The following TUSC3 variants were observed in gnomAD, a reference collection of about 807,000 sequenced individuals.
The protein encoded by TUSC3 is dolichyl-diphosphooligosaccharide--protein glycosyltransferase subunit TUSC3.
Under a neutral mutation model 44.8 loss-of-function variants are expected in TUSC3, and 45 were observed. The observed-to-expected ratio is 1.00, with a 90% CI of 0.79 to 1.29. The LOEUF (loss-of-function observed/expected upper bound fraction) is 1.29. Ranked by LOEUF, TUSC3 falls within the 50% of genes most tolerant of loss-of-function variation. The pLI is 0.00. For missense variants in TUSC3, 519 were observed against 437.9 expected (o/e 1.19, Z -1.65); for synonymous variants, 212 against 152.9 (o/e 1.39, Z -2.85).
At chr8:15,696,552 C>T (rs1175822756) in intron 6 of TUSC3, among the ~76,000 whole-genome samples, 1 of 152,074 alleles carries the variant, frequency 6.6e-6, no homozygotes. Context: ...GAGAAGAGGG[C>T]CACCGTCCTC....
At chr8:15,797,447 A>T in the TUSC3 span, among the ~76,000 whole-genome samples, 1 of 152,244 alleles carries the variant, frequency 6.6e-6, no homozygotes, top group Non-Finnish European at 1.5e-5. Context: ...GTTCCATAAA[A>T]AACTTTACTT....
intron 1 of TUSC3, among the ~76,000 whole-genome samples, chr8:15,421,385 T>C (rs1378660103): frequency 6.6e-6 from 1 of 152,154 alleles, no homozygotes; most frequent in Non-Finnish European, 1.5e-5. Flanking sequence ...CTTACGGTAG[T>C]AACTCTCTCT....
At chr8:15,809,977 C>T in the TUSC3 span, among the ~76,000 whole-genome samples, 1 of 152,172 alleles carries the variant, frequency 6.6e-6, no homozygotes, top group African/African-American at 2.4e-5. Context: ...AATGCAAGTT[C>T]CAGTTAAATA....
intron 1 of TUSC3, among the ~76,000 whole-genome samples, chr8:15,565,625 G>C (rs1802637846): frequency 6.6e-6 from 1 of 152,108 alleles, no homozygotes; most frequent in Non-Finnish European, 1.5e-5. Flanking sequence ...CTTTAACTTT[G>C]TTTCTTTTGT....
chr8:15,710,916 A>G (rs1338098622), intron 6 of TUSC3, among the ~76,000 whole-genome samples: 2 of 150,254 alleles, frequency 1.3e-5, no homozygotes, highest in Non-Finnish European at 3.0e-5. Flanking sequence ...GCACCAAATC[A>G]AGAAGTGGAA....
intron 2 of TUSC3, among the ~76,000 whole-genome samples, chr8:15,505,723 C>G (rs1057174029): frequency 6.6e-6 from 1 of 152,134 alleles, no homozygotes; most frequent in African/African-American, 2.4e-5. Context: ...AATGGGAGCA[C>G]TACTTTATAA....
chr8:15,455,064 T>G (rs2129120934), intron 1 of TUSC3, among the ~76,000 whole-genome samples: 1 of 152,248 alleles, frequency 6.6e-6, no homozygotes, highest in South Asian at 2.1e-4. Flanking sequence ...ATGATGACTT[T>G]GACCTGGGCC....
chr8:15,543,239 A>G (rs569244442), intron 1 of TUSC3, among the ~76,000 whole-genome samples: 1 of 138,988 alleles, frequency 7.2e-6, no homozygotes, highest in South Asian at 2.2e-4. Context: ...TATTAATATA[A>G]TAAATATTAT....
intron 2 of TUSC3, among the ~76,000 whole-genome samples, chr8:15,644,811 T>C (rs2129173095): frequency 6.6e-6 from 1 of 152,288 alleles, no homozygotes; most frequent in Middle Eastern, 3.4e-3. Context: ...ACCCTGTTTC[T>C]ACTGAATTAC....
the TUSC3 span, among the ~76,000 whole-genome samples, chr8:15,827,152 T>C: frequency 6.6e-6 from 1 of 152,120 alleles, no homozygotes; most frequent in Non-Finnish European, 1.5e-5. Flanking sequence ...TATAAGTACA[T>C]CCCTCTCCAT....
chr8:15,794,568 A>G, the TUSC3 span, among the ~76,000 whole-genome samples: 1 of 152,158 alleles, frequency 6.6e-6, no homozygotes, highest in Non-Finnish European at 1.5e-5. Context: ...TTAGAGATAA[A>G]GGATGGTTTA....
chr8:15,578,156 A>C (rs1230338302), intron 1 of TUSC3, among the ~76,000 whole-genome samples: 37 of 140,966 alleles, frequency 2.6e-4, no homozygotes, highest in African/African-American at 9.6e-4. Context: ...ATTTTTGTAC[A>C]TTGATTTTGT....
At chr8:15,437,088 C>G (rs1036870387) in intron 1 of TUSC3, among the ~76,000 whole-genome samples, 8 of 152,064 alleles carry the variant, frequency 5.3e-5, no homozygotes, top group Middle Eastern at 3.2e-3. Context: ...TCTTTTGAGT[C>G]AAATTAAGAT....
chr8:15,721,229 C>T (rs920795629), intron 6 of TUSC3, among the ~76,000 whole-genome samples: 17 of 151,986 alleles, frequency 1.1e-4, no homozygotes, highest in African/African-American at 3.4e-4. Context: ...AATTTATTAG[C>T]AAATCTGGAT....
At chr8:15,758,204 C>G (rs1585310905) in intron 10 of TUSC3, 1 of 1,018,188 alleles carries the variant, frequency 9.8e-7, no homozygotes, top group African/African-American at 1.7e-5. Context: ...AAAATGTAGC[C>G]AAATCTTTTT....
At position 15,561,887 on chromosome 8, in the gene TUSC3, C is replaced by G. The variant is rs1802486292; in HGVS notation, c.138+21319C>G. Among the ~76,000 whole-genome samples, 8 of 152,280 alleles carry G rather than the reference C, an allele frequency of 5.3e-5. 1 individual carries two copies. The South Asian group carries it at 8.3e-4, about 16-fold the overall frequency. ...CTGGCGCACGGTGTGCGCACCCACT[C>G]TCCTGCACCCACTGTCTGGCACTCC... On this transcript the variant is annotated intron_variant, in intron 1 of 10. Coordinates refer to ENST00000503731, the MANE Select transcript of TUSC3 (RefSeq NM_006765.4).
intron 10 of TUSC3, chr8:15,758,114 CAAAT>C: frequency 8.3e-7 from 1 of 1,211,368 alleles, no homozygotes; most frequent in African/African-American, 1.5e-5. Context: ...CCACCCCCAA[CAAAT>C]ATACTTTCTT....
intron 1 of TUSC3, among the ~76,000 whole-genome samples, chr8:15,601,974 T>C (rs1216907121): frequency 6.6e-6 from 1 of 151,554 alleles, no homozygotes; most frequent in African/African-American, 2.4e-5. Context: ...ATTTGTACAT[T>C]ATAATTTGTA....
chr8:15,425,065 G>T (rs552537746), intron 1 of TUSC3, among the ~76,000 whole-genome samples: 1 of 152,292 alleles, frequency 6.6e-6, no homozygotes, highest in Non-Finnish European at 1.5e-5. Context: ...TCCTAGGAAT[G>T]AGATAAAAAC....
Sources: allele counts gnomAD v4.1 joint callset (sites outside exome capture counted in the v4.1 genomes callset), GRCh38; gene constraint gnomAD v4.1.1; transcripts MANE v1.5; gene names NCBI Gene and HGNC (gene_info 2026-07-23, HGNC 2026-07-21).